The following CRYBB1 variants were observed in gnomAD, a reference collection of about 807,000 sequenced individuals.
CRYBB1 encodes the protein beta-crystallin B1.
CRYBB1 carries 16 observed loss-of-function variants against 29.5 expected under a neutral mutation model. The observed-to-expected ratio is 0.54, with a 90% CI of 0.37 to 0.82. The LOEUF is 0.82. CRYBB1 is among the 40% of genes least tolerant of loss of function. The pLI, the probability that CRYBB1 is intolerant of heterozygous loss-of-function variation, is 0.00. For missense variants in CRYBB1, 300 were observed against 350.5 expected (o/e 0.86, Z 1.15); for synonymous variants, 127 against 136.7 (o/e 0.93, Z 0.49).
chr22:26,611,973 G>A (rs1049850768), intron 3 of CRYBB1, 99 bp downstream of exon 3: 13 of 862,724 alleles, frequency 1.5e-5, no homozygotes, highest in East Asian at 2.4e-5. Context: ...GAGTACGAAC[G>A]GCCGCAGGCA....
intron 4 of CRYBB1, among the ~76,000 whole-genome samples, chr22:26,606,081 A>G (rs1950012335): frequency 6.6e-6 from 1 of 152,214 alleles, no homozygotes; most frequent in South Asian, 2.1e-4. Flanking sequence ...GTAGCCCAAG[A>G]CAATTCTTCC....
chr22:26,616,847 G>C (rs948975758), intron 1 of CRYBB1, among the ~76,000 whole-genome samples: 2 of 152,162 alleles, frequency 1.3e-5, no homozygotes, highest in Non-Finnish European at 2.9e-5. Flanking sequence ...CCCAGCTCAG[G>C]CCCAAACAGC....
In CRYBB1 at chr22:26,602,065, G is replaced by A. The variant is rs752189346; in HGVS notation, c.433-44C>T. ...GGTCAGGTGTGTGAAGTACAAATGGGACAAAGAGAAGAAACTTAGCGGGGC... is the reference window on the plus strand; with the variant it reads ...GGTCAGGTGTGTGAAGTACAAATGGAACAAAGAGAAGAAACTTAGCGGGGC... On this transcript the variant is annotated intron_variant, in intron 4 of 5. Coordinates refer to ENST00000647684, the MANE Select transcript of CRYBB1 (RefSeq NM_001887.4). 4.5e-5 allele frequency: 73 copies of A among 1,609,780 alleles called. No individual in the cohort carries two copies. The South Asian group carries it at 6.3e-4, about 14-fold the overall frequency.
At chr22:26,599,990 A>G (rs1928770530) in intron 5 of CRYBB1, among the ~76,000 whole-genome samples, 1 of 152,238 alleles carries the variant, frequency 6.6e-6, no homozygotes, top group African/African-American at 2.4e-5. Context: ...ATATGAATAC[A>G]CATCCCATTA....
intron 4 of CRYBB1, among the ~76,000 whole-genome samples, chr22:26,607,497 C>A (rs1929014217): frequency 6.9e-6 from 1 of 145,824 alleles, no homozygotes; most frequent in African/African-American, 2.5e-5. Flanking sequence ...TTCAAGGCTG[C>A]AGTGAGCTAT....
chr22:26,607,918 G>A lies in CRYBB1; in HGVS notation c.403C>T (p.Arg135Trp), dbSNP rs374594114. The change falls in exon 4 of 6, where the codon CGG becomes TGG. Residue 135 changes from arginine to tryptophan, a missense_variant. Coordinates refer to ENST00000647684, the MANE Select transcript of CRYBB1 (RefSeq NM_001887.4). ...NTWSSSYRSDRLMSFRPIKMD... is the reference protein window; with the variant it reads ...NTWSSSYRSDWLMSFRPIKMD... ...TTGATGGGCCGGAAGGACATGAGCCGATCACTGCGGTAGCTGCTCGACCAT... is the reference window on the plus strand; with the variant it reads ...TTGATGGGCCGGAAGGACATGAGCCAATCACTGCGGTAGCTGCTCGACCAT... The A allele has an allele frequency of 2.7e-5, 43 of 1,614,200 alleles. No homozygotes were observed. The highest frequency in any genetic ancestry group is 2.2e-4 in the South Asian group (20 of 91,088).
intron 3 of CRYBB1, among the ~76,000 whole-genome samples, chr22:26,611,461 T>G (rs1314619229): frequency 3.7e-5 from 5 of 135,990 alleles, no homozygotes; most frequent in East Asian, 2.4e-4. Flanking sequence ...TTTGTTTTTT[T>G]TTTTTTTGTT....
chr22:26,599,775 G>A (rs533388599), intron 5 of CRYBB1, 102 bp from the exon 6 acceptor site: 17 of 895,150 alleles, frequency 1.9e-5, no homozygotes, highest in Admixed American at 9.7e-5. Flanking sequence ...CCCTGCAGTC[G>A]GCTGCTCTCT....
At chr22:26,613,848 G>A (rs902180789) in intron 2 of CRYBB1, among the ~76,000 whole-genome samples, 1 of 152,184 alleles carries the variant, frequency 6.6e-6, no homozygotes, top group Non-Finnish European at 1.5e-5. Flanking sequence ...TCTTTCAAAA[G>A]CAAATGGGAG....
chr22:26,602,508 T>G (rs1928851841), intron 4 of CRYBB1, among the ~76,000 whole-genome samples: 1 of 151,374 alleles, frequency 6.6e-6, no homozygotes, highest in South Asian at 2.1e-4. Context: ...GGAGGATTGC[T>G]TGAGCCCAGG....
chr22:26,613,586 A>G (rs1409264982), intron 2 of CRYBB1, among the ~76,000 whole-genome samples: 1 of 152,178 alleles, frequency 6.6e-6, no homozygotes, highest in Non-Finnish European at 1.5e-5. Flanking sequence ...TCCCCAATCA[A>G]TACCCTTGTG....
intron 3 of CRYBB1, among the ~76,000 whole-genome samples, chr22:26,611,454 G>GTTTTTGTTTTTTTTT (rs1929156112): frequency 7.0e-6 from 1 of 142,696 alleles, no homozygotes; most frequent in African/African-American, 2.6e-5. Flanking sequence ...GCTAGAGTTT[G>GTTTTTGTTTTTTTTT]TTTTTTTTTT....
At chr22:26,609,544 G>C (rs1189835046) in intron 3 of CRYBB1, among the ~76,000 whole-genome samples, 1 of 152,104 alleles carries the variant, frequency 6.6e-6, no homozygotes, top group African/African-American at 2.4e-5. Context: ...ATGGATGGGT[G>C]GGTAGATGGA....
chr22:26,611,276 T>A (rs1929148942), intron 3 of CRYBB1, among the ~76,000 whole-genome samples: 1 of 152,178 alleles, frequency 6.6e-6, no homozygotes, highest in Non-Finnish European at 1.5e-5. Context: ...GAATAGCCTC[T>A]GCCTCCTACA....
Position 26,611,830 on chromosome 22 carries a change from C to T in CRYBB1, c.299+242G>A, listed in dbSNP as rs529350824. The stretch of plus-strand genomic sequence containing the variant: ...ATTTCTCCAGAGCCCAGAACCATGG[C>T]TTACTGCCAGTGTGATCTTATGCTA... On this transcript the variant is annotated intron_variant, in intron 3 of 5. Coordinates refer to ENST00000647684, the MANE Select transcript of CRYBB1 (RefSeq NM_001887.4). 1.6e-4 allele frequency among the ~76,000 whole-genome samples: 25 copies of T among 152,288 alleles called. No individual in the cohort carries two copies. In the South Asian group the frequency reaches 4.6e-3, roughly 28 times the overall value.
rs368846780 is a variant in CRYBB1 at position 26,599,477 on chromosome 22, G to T, written c.*13C>A. ...AGAAGGGTTGGGGCAAGGTAGCAGA[G>T]TGAGGTGTGGACTCACTTGGGGGGC... On this transcript the variant is annotated 3_prime_UTR_variant, in exon 6 of 6. Coordinates refer to ENST00000647684, the MANE Select transcript of CRYBB1 (RefSeq NM_001887.4). 6.9e-6 allele frequency: 11 copies of T among 1,603,682 alleles called. No individual in the cohort carries two copies. In the African/African-American group the frequency reaches 8.0e-5, roughly 12 times the overall value.
At chr22:26,616,037 A>C in intron 2 of CRYBB1, 103 bp downstream of exon 2, 1 of 896,404 alleles carries the variant, frequency 1.1e-6, no homozygotes, top group Middle Eastern at 2.5e-4. Flanking sequence ...AGAGGTGCGG[A>C]GGAGTAAGAG....
Position 26,601,867 on chromosome 22 carries a change from A to T in CRYBB1, c.575+12T>A. On this transcript the variant is annotated intron_variant, in intron 5 of 5. Coordinates refer to ENST00000647684, the MANE Select transcript of CRYBB1 (RefSeq NM_001887.4). Reference sequence around the variant, plus strand: ...AAGCAGGGGACGCGGACCTGGCAGGAGGGATGCTTACGTTCCACTGGAGAC... The same window carrying T: ...AAGCAGGGGACGCGGACCTGGCAGGTGGGATGCTTACGTTCCACTGGAGAC... The T allele has an allele frequency of 6.2e-7, 1 of 1,611,760 alleles. No individual in the cohort carries two copies. Among genetic ancestry groups the T allele is most frequent in the Non-Finnish European group, 8.5e-7 (1 of 1,179,828 alleles).
At chr22:26,601,106 A>G (rs1928804127) in intron 5 of CRYBB1, among the ~76,000 whole-genome samples, 2 of 152,216 alleles carry the variant, frequency 1.3e-5, no homozygotes, top group Admixed American at 1.3e-4. Context: ...GGAGGCAGAA[A>G]GGAACAAGAA....
Sources: gnomAD v4.1 joint callset for allele counts (sites outside exome capture counted in the v4.1 genomes callset) on GRCh38, gnomAD v4.1.1 for gene constraint, MANE v1.5 for transcripts, NCBI Gene and HGNC (gene_info 2026-07-23, HGNC 2026-07-21) for gene names.